The following STXBP4 variants were observed in gnomAD, a reference collection of about 807,000 sequenced individuals.
The protein encoded by STXBP4 is syntaxin-binding protein 4.
Under a neutral mutation model 76.1 loss-of-function variants are expected in STXBP4, and 55 were observed. The observed-to-expected ratio is 0.72, with a 90% CI of 0.58 to 0.91. The LOEUF (loss-of-function observed/expected upper bound fraction) is 0.91. STXBP4 is among the 40% of genes least tolerant of loss of function. The pLI is 0.00. For synonymous variants in STXBP4, 201 were observed against 220.2 expected, an observed-to-expected ratio of 0.91 and a Z score of 0.77; for missense variants, 618 against 636.9, an observed-to-expected ratio of 0.97 and a Z score of 0.32.
chr17:55,175,658 C>T (rs1601297), downstream of STXBP4, among the ~76,000 whole-genome samples: 129,098 of 152,174 alleles, frequency 0.85, 55,239 homozygotes, highest in African/African-American at 0.94. Context: ...CTTTTAGAGT[C>T]GGGGGACAAA....
chr17:55,103,559 A>G (rs1463877214), intron 16 of STXBP4, among the ~76,000 whole-genome samples: 1 of 147,154 alleles, frequency 6.8e-6, no homozygotes, highest in African/African-American at 2.5e-5. Context: ...GAAGTCAGGT[A>G]GCATGATGCC....
intron 16 of STXBP4, among the ~76,000 whole-genome samples, chr17:55,139,879 G>T (rs2080076125): frequency 6.6e-6 from 1 of 152,126 alleles, no homozygotes; most frequent in South Asian, 2.1e-4. Flanking sequence ...TGTGGTAAAA[G>T]ACTGGAAATA....
At chr17:55,090,415 C>T (rs1213389489) in intron 16 of STXBP4, among the ~76,000 whole-genome samples, 2 of 152,072 alleles carry the variant, frequency 1.3e-5, no homozygotes, top group African/African-American at 4.8e-5. Flanking sequence ...TTTCACCCCA[C>T]TCAGACTGCT....
In STXBP4 at chr17:55,040,991, A is replaced by G. The variant is rs79185836; in HGVS notation, c.856-2245A>G. On this transcript the variant is annotated intron_variant, in intron 10 of 17. Coordinates refer to ENST00000376352, the MANE Select transcript of STXBP4 (RefSeq NM_178509.6). ...AATTCACAAGGAACATCCACAGCCA[A>G]TTCTCTGGCTGCAAGTTTTTGCTGC... Among the ~76,000 whole-genome samples the G allele has an allele frequency of 9.7e-3, 1,472 of 152,238 alleles. 7 individuals are homozygous for G. Among genetic ancestry groups the G allele is most frequent in the Middle Eastern group, 0.037 (11 of 294 alleles).
intron 4 of STXBP4, among the ~76,000 whole-genome samples, 196 bp from the exon 5 acceptor site, chr17:54,999,149 T>C (rs1373311208): frequency 2.6e-5 from 4 of 152,156 alleles, no homozygotes; most frequent in African/African-American, 9.7e-5. Context: ...ACATGAACCA[T>C]TCCATTTTAC....
intron 10 of STXBP4, among the ~76,000 whole-genome samples, chr17:55,039,857 T>C (rs946977335): frequency 6.6e-6 from 1 of 151,980 alleles, no homozygotes; most frequent in African/African-American, 2.4e-5. Flanking sequence ...CCATGACAGA[T>C]TGTGTTTTAG....
At chr17:55,094,165 G>GAAAAAA (rs34886189) in intron 16 of STXBP4, among the ~76,000 whole-genome samples, 4 of 108,236 alleles carry the variant, frequency 3.7e-5, no homozygotes, top group Non-Finnish European at 1.9e-5. Flanking sequence ...TGAGGGACAG[G>GAAAAAA]AAAAAAAAAA....
At chr17:54,971,815 G>A (rs562261017) in intron 1 of STXBP4, among the ~76,000 whole-genome samples, 1 of 147,528 alleles carries the variant, frequency 6.8e-6, no homozygotes, top group Admixed American at 6.7e-5. Context: ...TTATTTTTGA[G>A]AGACAAGATC....
intron 17 of STXBP4, among the ~76,000 whole-genome samples, chr17:55,155,449 T>C (rs2080266196): frequency 6.6e-6 from 1 of 152,046 alleles, no homozygotes; most frequent in African/African-American, 2.4e-5. Flanking sequence ...TATATTAACA[T>C]ATAGTTACTT....
Position 55,163,180 on chromosome 17 carries a change from G to A in STXBP4, c.*3269G>A, listed in dbSNP as rs781780626. 1.6e-4 allele frequency: 24 copies of A among 148,848 alleles called. 1 individual carries two copies. The highest frequency in any genetic ancestry group is 2.1e-4 in the South Asian group (1 of 4,764). 9.2% of individuals were successfully genotyped at this position (148,848 alleles called of 1,614,324 possible). On this transcript the variant is annotated 3_prime_UTR_variant, in exon 18 of 18. Transcript: ENST00000376352. ...TGAGCCTTATTTTTATGTATGATAG[G>A]ACTTTTTTTAGTCCAAATGTTCCTA...
the STXBP4 span, among the ~76,000 whole-genome samples, chr17:55,192,561 G>A: frequency 6.6e-6 from 1 of 152,160 alleles, no homozygotes; most frequent in South Asian, 2.1e-4. Flanking sequence ...CATCAATTGA[G>A]TTCCTTCTGG....
intron 13 of STXBP4, among the ~76,000 whole-genome samples, chr17:55,077,119 A>G (rs1293616161): frequency 2.0e-5 from 3 of 152,146 alleles, no homozygotes; most frequent in Non-Finnish European, 4.4e-5. Context: ...TGCTGTCTTT[A>G]TAGATCTGAT....
chr17:55,081,205 A>G (rs1325724919), intron 16 of STXBP4, 22 bp downstream of exon 16: 5 of 1,399,898 alleles, frequency 3.6e-6, no homozygotes, highest in Non-Finnish European at 2.8e-6. Context: ...GCATTTTTTC[A>G]CTTTTTAAAA....
chr17:55,118,774 T>C (rs1338366660), intron 16 of STXBP4, among the ~76,000 whole-genome samples: 4 of 151,734 alleles, frequency 2.6e-5, no homozygotes, highest in African/African-American at 9.7e-5. Context: ...AAATGTACTA[T>C]TATAGAAACC....
intron 16 of STXBP4, among the ~76,000 whole-genome samples, chr17:55,091,322 A>C (rs911472016): frequency 6.6e-6 from 1 of 152,182 alleles, no homozygotes; most frequent in African/African-American, 2.4e-5. Flanking sequence ...TTTAATGGTC[A>C]TATATTCTCA....
At chr17:55,022,643 G>C (rs1437903924) in intron 8 of STXBP4, among the ~76,000 whole-genome samples, 2 of 152,190 alleles carry the variant, frequency 1.3e-5, no homozygotes, top group East Asian at 3.9e-4. Context: ...GATAGTCACG[G>C]AAGAGCTGTC....
chr17:55,143,990 G>A, intron 17 of STXBP4, among the ~76,000 whole-genome samples: 1 of 145,058 alleles, frequency 6.9e-6, no homozygotes. Flanking sequence ...GGGTTGTCTG[G>A]CCCCAAAGCC....
At chr17:54,969,702 A>G (rs966246477) in intron 1 of STXBP4, among the ~76,000 whole-genome samples, 11 of 152,326 alleles carry the variant, frequency 7.2e-5, no homozygotes, top group South Asian at 2.1e-4. Flanking sequence ...CACTATGTGG[A>G]TGAGGAACTT....
intron 10 of STXBP4, among the ~76,000 whole-genome samples, chr17:55,038,083 T>C (rs1010595716): frequency 1.3e-5 from 2 of 152,182 alleles, no homozygotes; most frequent in Non-Finnish European, 2.9e-5. Flanking sequence ...ACAACAGGCC[T>C]GGGTCATTCT....
Sources: gnomAD v4.1 joint callset for allele counts (sites outside exome capture counted in the v4.1 genomes callset) on GRCh38, gnomAD v4.1.1 for gene constraint, MANE v1.5 for transcripts, NCBI Gene and HGNC (gene_info 2026-07-23, HGNC 2026-07-21) for gene names.